RREB1: variants seen among roughly 807,000 people sequenced by gnomAD.
RREB1 encodes the protein ras-responsive element-binding protein 1.
In RREB1, 27 loss-of-function variants were observed where a neutral mutation model predicts 117.8. The observed-to-expected ratio is 0.23, with a 90% CI of 0.17 to 0.32. The LOEUF is 0.32. RREB1 is among the 10% of genes least tolerant of loss of function. RREB1 has a pLI of 1.00. For missense variants in RREB1, 2,577 were observed against 2,378.2 expected, an observed-to-expected ratio of 1.08 and a Z score of -1.74; for synonymous variants, 1,298 against 1,026.7, an observed-to-expected ratio of 1.26 and a Z score of -5.05.
At chr6:7,117,388 GTTTTTTTTTTTTTTTTTTTTTT>G (rs70978941) in intron 1 of RREB1, among the ~76,000 whole-genome samples, 9 of 63,294 alleles carry the variant, frequency 1.4e-4, no homozygotes, top group East Asian at 1.0e-3. Context: ...TAGGTTTCCT[GTTTTTTTTTTTTTTTTTTTTTT>G]TTTTTTTTTT....
chr6:7,217,906 A>C (rs1304733188), intron 8 of RREB1: 1 of 152,210 alleles, frequency 6.6e-6, no homozygotes, highest in African/African-American at 2.4e-5. Context: ...AGAACATGAA[A>C]GCAATTTGTC....
chr6:7,140,221 G>GT (rs537984255), intron 1 of RREB1, among the ~76,000 whole-genome samples: 2 of 152,200 alleles, frequency 1.3e-5, no homozygotes, highest in Non-Finnish European at 2.9e-5. Context: ...GGCAAGGCAA[G>GT]TGACTTTAAA....
chr6:7,133,927 G>GTT (rs1457526594), intron 1 of RREB1, among the ~76,000 whole-genome samples: 3 of 152,072 alleles, frequency 2.0e-5, no homozygotes, highest in Non-Finnish European at 4.4e-5. Context: ...TTTTGTACAT[G>GTT]TCTTTATACC....
intron 6 of RREB1, among the ~76,000 whole-genome samples, chr6:7,198,214 T>C (rs1765763098): frequency 6.6e-6 from 1 of 152,228 alleles, no homozygotes; most frequent in African/African-American, 2.4e-5. Flanking sequence ...GTCAGTCCCA[T>C]CTTAAAATTA....
chr6:7,109,336 G>A (rs891888378), intron 1 of RREB1, among the ~76,000 whole-genome samples: 1 of 152,008 alleles, frequency 6.6e-6, no homozygotes, highest in Non-Finnish European at 1.5e-5. Flanking sequence ...AGGAAACTGC[G>A]ACCTTAATGG....
chr6:7,178,024 C>T lies in RREB1; in HGVS notation c.-166+1251C>T, dbSNP rs115927308. Among the ~76,000 whole-genome samples the T allele has an allele frequency of 3.6e-3, 541 of 151,924 alleles. 2 individuals are homozygous for T. Among genetic ancestry groups the T allele is most frequent in the Admixed American group, 0.012 (185 of 15,240 alleles). The stretch of plus-strand genomic sequence containing the variant: ...AGGTGTAAGCCACTGTGCCCGGCCC[C>T]GGCTGATTTTTATTTTGTATAGGTG... On this transcript the variant is annotated intron_variant, in intron 2 of 12. Transcript: ENST00000379938.
chr6:7,113,771 A>G (rs1761260324), intron 1 of RREB1, among the ~76,000 whole-genome samples: 1 of 152,196 alleles, frequency 6.6e-6, no homozygotes, highest in Non-Finnish European at 1.5e-5. Flanking sequence ...AAATAAACCT[A>G]ATTGAGTTTG....
intron 11 of RREB1, among the ~76,000 whole-genome samples, chr6:7,243,733 G>T (rs965817269): frequency 5.9e-5 from 9 of 152,180 alleles, no homozygotes; most frequent in African/African-American, 2.2e-4. Flanking sequence ...TGTACTCCGG[G>T]TGATCTCTCT....
chr6:7,246,962 G>T lies in RREB1; in HGVS notation c.4512G>T (p.Pro1504=), dbSNP rs774014879. The change falls in exon 12 of 13, where the codon CCG becomes CCT. Residue 1504 remains proline (P), a synonymous_variant. Transcript: ENST00000379938. Reference sequence around the variant, plus strand: ...AGGAGGAGAAGCCCCCCGAGACCCCGGCAGAGGTGGTGGAGTCGGCCCCGG... The same window carrying T: ...AGGAGGAGAAGCCCCCCGAGACCCCTGCAGAGGTGGTGGAGTCGGCCCCGG... ...PEQEEKPPET[P]AEVVESAPGA... The T allele has an allele frequency of 6.4e-7, 1 of 1,571,286 alleles. No individual in the cohort carries two copies. Among genetic ancestry groups the T allele is most frequent in the East Asian group, 2.4e-5 (1 of 42,020 alleles).
At chr6:7,191,246 A>G (rs1254995080) in intron 6 of RREB1, among the ~76,000 whole-genome samples, 4 of 151,934 alleles carry the variant, frequency 2.6e-5, no homozygotes, top group Non-Finnish European at 5.9e-5. Context: ...ATCTTACGGT[A>G]TAATTCATAC....
chr6:7,232,768 T>C (rs866634895), intron 10 of RREB1, among the ~76,000 whole-genome samples: 24 of 150,528 alleles, frequency 1.6e-4, no homozygotes, highest in Admixed American at 9.9e-4. Flanking sequence ...TTTTTCTTTT[T>C]TTTTTTTTTT....
At chr6:7,175,478 T>C (rs368324574) in intron 1 of RREB1, among the ~76,000 whole-genome samples, 2 of 152,308 alleles carry the variant, frequency 1.3e-5, no homozygotes, top group African/African-American at 4.8e-5. Context: ...CTGTGTGGCA[T>C]GGATGGGCAG....
At chr6:7,200,536 T>G (rs1343609866) in intron 6 of RREB1, among the ~76,000 whole-genome samples, 1 of 152,200 alleles carries the variant, frequency 6.6e-6, no homozygotes, top group African/African-American at 2.4e-5. Context: ...CCCAAAGTGC[T>G]GGGATTACAG....
intron 6 of RREB1, among the ~76,000 whole-genome samples, chr6:7,203,499 G>A (rs961235371): frequency 6.6e-5 from 10 of 152,208 alleles, no homozygotes; most frequent in Admixed American, 4.6e-4. Flanking sequence ...ATACTGCCAA[G>A]GAACCTGAGG....
Position 7,248,926 on chromosome 6 carries a change from G to C in RREB1, c.5187G>C (p.Leu1729=). The part of the protein sequence containing the change: ...PRSKRPAHPI[L]ATADGASQLV... ...GCAAGAGGCCTGCCCACCCAATCCT[G>C]GCCACAGCTGATGGCGCCTCCCAGC... Residue 1729 remains leucine (L), a synonymous_variant, in exon 13 of 13, where the codon CTG becomes CTC. Coordinates refer to ENST00000379938, the MANE Select transcript of RREB1 (RefSeq NM_001003699.4). The C allele has an allele frequency of 6.6e-7, 1 of 1,523,844 alleles. No individual in the cohort carries two copies. Among genetic ancestry groups the C allele is most frequent in the African/African-American group, 1.4e-5 (1 of 72,694 alleles). 94.4% of individuals were successfully genotyped at this position (1,523,844 alleles called of 1,614,324 possible).
intron 1 of RREB1, among the ~76,000 whole-genome samples, chr6:7,167,867 G>A (rs1764026509): frequency 6.6e-6 from 1 of 152,150 alleles, no homozygotes; most frequent in Non-Finnish European, 1.5e-5. Context: ...AAGGTAAGGA[G>A]GGCAGTGTTA....
At chr6:7,136,484 C>G (rs1318389408) in intron 1 of RREB1, among the ~76,000 whole-genome samples, 1 of 152,020 alleles carries the variant, frequency 6.6e-6, no homozygotes, top group African/African-American at 2.4e-5. Context: ...CTATGTTGCC[C>G]AGGCCGGTCT....
rs747969487 is a variant in RREB1, at chr6:7,230,965, G to A, written c.2866G>A (p.Ala956Thr). The A allele has an allele frequency of 4.3e-6, 7 of 1,614,078 alleles. No homozygotes were observed. Among genetic ancestry groups the A allele is most frequent in the Non-Finnish European group, 5.9e-6 (7 of 1,179,964 alleles). ...GDKDLATPSE[A>T]KKPEEEAGSS... ...CAAGGATTTGGCCACTCCCAGCGAA[G>A]CCAAGAAGCCTGAGGAGGAGGCGGG... The change falls in exon 10 of 13, where the codon GCC becomes ACC. Residue 956 changes from alanine (A) to threonine (T), a missense_variant. Ala to Thr is a moderately conservative substitution (Grantham distance 58). Transcript: ENST00000379938.
Position 7,230,994 on chromosome 6 carries a change from C to T in RREB1, c.2895C>T (p.Ser965=), listed in dbSNP as rs747561245. The T allele has an allele frequency of 3.7e-6, 6 of 1,614,038 alleles. No individual in the cohort carries two copies. Among genetic ancestry groups the T allele is most frequent in the African/African-American group, 1.3e-5 (1 of 74,942 alleles). Residue 965 remains serine, a synonymous_variant, in exon 10 of 13, where the codon AGC becomes AGT. Transcript: ENST00000379938. ...AGAAGCCTGAGGAGGAGGCGGGGAG[C>T]AGCGAGCAGCCCTCTCCCTGCCCAG... is the stretch of plus-strand genomic sequence containing the variant. ...EAKKPEEEAG[S]SEQPSPCPAP...
Sources: allele counts gnomAD v4.1 joint callset (sites outside exome capture counted in the v4.1 genomes callset), GRCh38; gene constraint gnomAD v4.1.1; transcripts MANE v1.5; gene names NCBI Gene and HGNC (gene_info 2026-07-23, HGNC 2026-07-21).